CDH2: variants seen among roughly 807,000 people sequenced by gnomAD.
The protein encoded by CDH2 is cadherin 2, also known as cadherin-2.
Under a neutral mutation model 92.0 loss-of-function variants are expected in CDH2, and 17 were observed. The ratio of observed to expected loss-of-function variants is 0.18; its 90% confidence interval spans 0.13 to 0.28. The LOEUF is 0.28. CDH2 is among the 10% of genes least tolerant of loss of function. The pLI, the probability that CDH2 is intolerant of heterozygous loss-of-function variation, is 1.00. For synonymous variants in CDH2, 419 were observed against 415.9 expected, an observed-to-expected ratio of 1.01 and a Z score of -0.09; for missense variants, 862 against 1,133.1, an observed-to-expected ratio of 0.76 and a Z score of 3.44.
chr18:28,011,947 T>C lies in CDH2; in HGVS notation c.445A>G (p.Lys149Glu). 6.2e-7 allele frequency: 1 copy of C among 1,613,968 alleles called. No individual in the cohort carries two copies. The highest frequency in any genetic ancestry group is 8.5e-7 in the Non-Finnish European group (1 of 1,179,852). ...EEIVFPRQFS[K>E]HSGHLQRQKR... ...TGCCTTTGTAGGTGGCCACTGTGCTTACTGAATTGTCTTGGGAACACTATT... is the reference window on the plus strand; with the variant it reads ...TGCCTTTGTAGGTGGCCACTGTGCTCACTGAATTGTCTTGGGAACACTATT... Residue 149 changes from lysine to glutamate, a missense_variant, in exon 4 of 16, where the codon AAG (lysine) becomes GAG (glutamate). By Grantham distance (56) the Lys-to-Glu change is moderately conservative. Transcript: ENST00000269141.
At chr18:27,981,064 C>T (rs1479765970) in intron 14 of CDH2, among the ~76,000 whole-genome samples, 1 of 151,962 alleles carries the variant, frequency 6.6e-6, no homozygotes. Flanking sequence ...CATTAAATAC[C>T]CCACGGTCCA....
At chr18:28,156,898 T>C (rs1443454141) in intron 1 of CDH2, among the ~76,000 whole-genome samples, 1 of 152,126 alleles carries the variant, frequency 6.6e-6, no homozygotes, top group African/African-American at 2.4e-5. Context: ...AAAACATACA[T>C]CGAGTGACAT....
chr18:28,171,314 AC>A (rs1045672207), intron 1 of CDH2, among the ~76,000 whole-genome samples: 7 of 151,744 alleles, frequency 4.6e-5, no homozygotes, highest in African/African-American at 1.7e-4. Context: ...TTTAATGTTG[AC>A]CCCCTATCAC....
At position 28,005,929 on chromosome 18, in the gene CDH2, T is replaced by C. The variant is rs1465038852; in HGVS notation, c.767A>G (p.Asn256Ser). 1.2e-6 allele frequency: 2 copies of C among 1,612,174 alleles called. No individual in the cohort carries two copies. The highest frequency in any genetic ancestry group is 1.3e-5 in the African/African-American group (1 of 74,904). ...QVENPIDIVINVIDMNDNRPE... is the reference protein window; with the variant it reads ...QVENPIDIVISVIDMNDNRPE... Reference sequence around the variant, plus strand: ...TCTGTTGTCATTCATGTCAATAACATTGATGACAATGTCAATGGGGTTCTC... The same window carrying C: ...TCTGTTGTCATTCATGTCAATAACACTGATGACAATGTCAATGGGGTTCTC... The change falls in exon 6 of 16, where the codon AAT becomes AGT. Residue 256 changes from asparagine to serine, a missense_variant. Physicochemically the swap from Asn to Ser is conservative, Grantham distance 46 (BLOSUM62 1). This residue lies in a region of CDH2 where 564 missense variants were observed against 722.2 expected (regional missense o/e 0.78). Transcript: ENST00000269141.
intron 2 of CDH2, among the ~76,000 whole-genome samples, chr18:28,094,425 T>G (rs1567996003): frequency 6.6e-6 from 1 of 151,698 alleles, no homozygotes; most frequent in Non-Finnish European, 1.5e-5. Context: ...GAGGCAGAGT[T>G]TGTAGAAAGC....
intron 2 of CDH2, among the ~76,000 whole-genome samples, chr18:28,062,121 G>C (rs1324355869): frequency 6.6e-6 from 1 of 152,040 alleles, no homozygotes; most frequent in Admixed American, 6.6e-5. Context: ...AAATCATTTG[G>C]TTTGCTCCAG....
intron 2 of CDH2, among the ~76,000 whole-genome samples, chr18:28,080,247 G>A (rs75445982): frequency 0.013 from 2,034 of 152,238 alleles, 45 homozygotes; most frequent in Non-Finnish European, 0.013. Context: ...ACACAAGCCC[G>A]AAGCCTCACA....
intron 11 of CDH2, among the ~76,000 whole-genome samples, chr18:27,986,062 G>A (rs1456682607): frequency 6.6e-5 from 10 of 152,112 alleles, no homozygotes; most frequent in African/African-American, 1.4e-4. Flanking sequence ...CAGGGCTTGC[G>A]TAGACCATGC....
chr18:27,949,315 T>G, downstream of CDH2, among the ~76,000 whole-genome samples: 1 of 152,116 alleles, frequency 6.6e-6, no homozygotes, highest in East Asian at 1.9e-4. Flanking sequence ...CATATTTAAC[T>G]TATCTCCACA....
At chr18:27,991,667 C>T (rs981927389) in intron 9 of CDH2, among the ~76,000 whole-genome samples, 1 of 152,174 alleles carries the variant, frequency 6.6e-6, no homozygotes, top group Non-Finnish European at 1.5e-5. Context: ...GCCATGATCA[C>T]ACAGATATCA....
intron 6 of CDH2, among the ~76,000 whole-genome samples, chr18:27,945,647 C>A (rs188497890): frequency 6.6e-5 from 10 of 152,180 alleles, no homozygotes; most frequent in Admixed American, 5.9e-4. Flanking sequence ...CTTTTTAATA[C>A]CATCAGGGTC....
In CDH2 at chr18:27,990,330, A is replaced by G; in HGVS notation, c.1365T>C (p.Asn455=). The change falls in exon 10 of 16, where the codon AAT becomes AAC. Residue 455 remains asparagine, a synonymous_variant. Transcript: ENST00000269141. ...TVVKPIDFET[N]RMFVLTVAAE... ...CAGCAACAGTAAGGACAAACATCCT[A>G]TTTGTTTCAAAGTCGATTGGCTGGA... 4 of 1,611,222 alleles carry G rather than the reference A, an allele frequency of 2.5e-6. No individual in the cohort carries two copies. Among genetic ancestry groups the G allele is most frequent in the Non-Finnish European group, 3.4e-6 (4 of 1,177,676 alleles).
Position 28,003,186 on chromosome 18 carries a change from T to A in CDH2, c.848-17A>T, listed in dbSNP as rs778144612. 6.3e-7 allele frequency: 1 copy of A among 1,597,778 alleles called. No homozygotes were observed. The highest frequency in any genetic ancestry group is 8.6e-7 in the Non-Finnish European group (1 of 1,166,300). The stretch of plus-strand genomic sequence containing the variant: ...CATATGTTCCTAGAGACAGTGTACA[T>A]GGAAAATGAATGGTTACCCTTCATT... On this transcript the variant is annotated splice_polypyrimidine_tract_variant and intron_variant, in intron 6 of 15. Transcript: ENST00000269141.
intron 2 of CDH2, among the ~76,000 whole-genome samples, chr18:28,056,402 C>A (rs1007120454): frequency 2.0e-5 from 3 of 152,072 alleles, no homozygotes; most frequent in Non-Finnish European, 2.9e-5. Context: ...AGGCTTTTAT[C>A]TTTTAGGTAA....
At chr18:27,961,395 G>A (rs1461959963) in intron 15 of CDH2, among the ~76,000 whole-genome samples, 1 of 151,958 alleles carries the variant, frequency 6.6e-6, no homozygotes, top group Non-Finnish European at 1.5e-5. Flanking sequence ...ATGACCCGAG[G>A]GGCAACTTGT....
chr18:28,081,099 C>T lies in CDH2; in HGVS notation c.172+66574G>A, dbSNP rs150299507. On this transcript the variant is annotated intron_variant, in intron 2 of 15. Transcript: ENST00000269141. ...GCTCAACCATATGCAAAGGACCTTG[C>T]CTGACTTCCTGTACACCACAGGAAT... Among the ~76,000 whole-genome samples, 628 of 152,240 alleles carry T rather than the reference C, an allele frequency of 4.1e-3. 7 individuals carry two copies. Among genetic ancestry groups the T allele is most frequent in the Admixed American group, 0.017 (266 of 15,280 alleles).
chr18:27,956,684 C>T (rs775012192), intron 15 of CDH2, among the ~76,000 whole-genome samples: 8 of 152,118 alleles, frequency 5.3e-5, no homozygotes, highest in South Asian at 2.1e-4. Context: ...ATATCACTCC[C>T]GCAAGTAAGA....
chr18:28,029,198 A>G (rs1178316130), intron 2 of CDH2, among the ~76,000 whole-genome samples: 1 of 152,146 alleles, frequency 6.6e-6, no homozygotes, highest in Non-Finnish European at 1.5e-5. Context: ...CAGGTCTAAC[A>G]TACAGAGCCA....
chr18:28,105,465 C>A (rs1336726061), intron 2 of CDH2, among the ~76,000 whole-genome samples: 2 of 152,052 alleles, frequency 1.3e-5, no homozygotes, highest in African/African-American at 4.8e-5. Flanking sequence ...ATGAATTTTA[C>A]AGAGTTCTGG....
Sources: allele counts gnomAD v4.1 joint callset (sites outside exome capture counted in the v4.1 genomes callset), GRCh38; gene constraint gnomAD v4.1.1; regional missense constraint gnomAD v4.1.1; transcripts MANE v1.5; gene names NCBI Gene and HGNC (gene_info 2026-07-23, HGNC 2026-07-21).